The following SLC45A4 variants were observed in gnomAD, a reference collection of about 807,000 sequenced individuals.
SLC45A4 encodes the protein solute carrier family 45 member 4, also known as polyamine-transporter SLC45A4.
SLC45A4 carries 32 observed loss-of-function variants against 63.7 expected under a neutral mutation model. The ratio of observed to expected loss-of-function variants is 0.50; its 90% CI spans 0.38 to 0.67. The LOEUF (loss-of-function observed/expected upper bound fraction) is 0.67. Ranked by LOEUF, SLC45A4 falls within the 30% of genes least tolerant of loss-of-function variation. SLC45A4 has a pLI of 0.00. For missense variants in SLC45A4, 1,027 were observed against 1,157.7 expected (o/e 0.89, Z 1.64); for synonymous variants, 535 against 510.0 (o/e 1.05, Z -0.66).
Position 141,256,572 on chromosome 8 carries a change from A to T in SLC45A4, c.-400-1943T>A. ...CCGCTGTACAGGAGGTTCTGGAAGG[A>T]AGCCGTGCGCCTGGCTCTTACGTCC... On this transcript the variant is annotated intron_variant, in intron 1 of 8. Transcript: ENST00000517878. The surrounding 1 kb of genome is among the most constrained non-coding windows in gnomAD (Gnocchi z 4.3). 2.2e-6 allele frequency: 1 copy of T among 456,230 alleles called. No individual in the cohort carries two copies. Among genetic ancestry groups the T allele is most frequent in the South Asian group, 1.5e-5 (1 of 64,570 alleles). 28.3% of individuals were successfully genotyped at this position (456,230 alleles called of 1,614,324 possible). A position where few individuals can be genotyped will look rare whatever the true frequency, so the allele number is the denominator to read the frequency against.
At chr8:141,276,167 G>A (rs774407109) in intron 1 of SLC45A4, among the ~76,000 whole-genome samples, 20 of 152,124 alleles carry the variant, frequency 1.3e-4, no homozygotes, top group Non-Finnish European at 2.4e-4. Context: ...CTCCCAAATT[G>A]CTGGGATTAC....
At chr8:141,213,496 T>C (rs1825959322) in intron 7 of SLC45A4, among the ~76,000 whole-genome samples, 2 of 152,150 alleles carry the variant, frequency 1.3e-5, no homozygotes, top group African/African-American at 2.4e-5. Flanking sequence ...TGGTTCAAAA[T>C]AGAAATCGTA....
intron 1 of SLC45A4, among the ~76,000 whole-genome samples, chr8:141,280,692 C>T (rs1321541877): frequency 6.6e-6 from 1 of 152,212 alleles, no homozygotes; most frequent in Admixed American, 6.5e-5. Context: ...GTACCTCCAC[C>T]ATGGGGGTTT....
At chr8:141,228,485 G>A (rs2154614267) in intron 2 of SLC45A4, 1 of 1,336,328 alleles carries the variant, frequency 7.5e-7, no homozygotes, top group South Asian at 1.7e-5. Flanking sequence ...GTGGGCACCT[G>A]TCTTCACTGG....
At position 141,258,060 on chromosome 8, in the gene SLC45A4, CTTT is replaced by C. The variant is rs3072057; in HGVS notation, c.-400-3434_-400-3432del. On this transcript the variant is annotated intron_variant, in intron 1 of 8. Transcript: ENST00000517878. ...CATTCTCCTTTTTTGTTTCTTCTTC[CTTT>C]TTTTTTTTTTTTTTTTTTTAACAAT... is the stretch of plus-strand genomic sequence containing the variant. Among the ~76,000 whole-genome samples the C allele has an allele frequency of 1.8e-3, 228 of 123,264 alleles. 3 individuals are homozygous for C. In the South Asian group the frequency reaches 0.022, roughly 12 times the overall value. 80.9% of individuals were successfully genotyped at this position (123,264 alleles called of 152,430 possible).
rs1332514831 is a variant in SLC45A4 at position 141,211,012 on chromosome 8, C to T, written c.*560G>A. Reference sequence around the variant, plus strand: ...CCCAGACGTCTGCGTCCCTTTGCACCTGTCCCGATTCCAGCGTCGAGCAGG... The same window carrying T: ...CCCAGACGTCTGCGTCCCTTTGCACTTGTCCCGATTCCAGCGTCGAGCAGG... On this transcript the variant is annotated 3_prime_UTR_variant, in exon 9 of 9. Coordinates refer to ENST00000517878, the MANE Select transcript of SLC45A4 (RefSeq NM_001286646.2). 1 of 159,018 alleles carries T rather than the reference C, an allele frequency of 6.3e-6. No homozygotes were observed. The highest frequency in any genetic ancestry group is 6.5e-5 in the Admixed American group (1 of 15,456). 9.9% of individuals were successfully genotyped at this position (159,018 alleles called of 1,614,324 possible).
At chr8:141,277,375 T>G (rs1829768640) in intron 1 of SLC45A4, among the ~76,000 whole-genome samples, 1 of 152,194 alleles carries the variant, frequency 6.6e-6, no homozygotes, top group African/African-American at 2.4e-5. Context: ...TGGACAAAGG[T>G]TCATGAAGCT....
At chr8:141,222,615 C>T (rs1013698867) in intron 2 of SLC45A4, among the ~76,000 whole-genome samples, 1 of 152,244 alleles carries the variant, frequency 6.6e-6, no homozygotes, top group Admixed American at 6.5e-5. Flanking sequence ...GCGTGTCCAT[C>T]ACCAACCAGG....
At chr8:141,264,073 G>T (rs752285125) in intron 1 of SLC45A4, among the ~76,000 whole-genome samples, 3 of 152,170 alleles carry the variant, frequency 2.0e-5, no homozygotes, top group Admixed American at 6.6e-5. Context: ...CCATGGGAAA[G>T]GTACCAGCAA....
At chr8:141,282,425 G>A (rs750237436) in intron 1 of SLC45A4, among the ~76,000 whole-genome samples, 7 of 152,196 alleles carry the variant, frequency 4.6e-5, no homozygotes, top group South Asian at 2.1e-4. Flanking sequence ...CCCGCTGGGC[G>A]GCCCCGCCTC....
chr8:141,267,912 C>T (rs2154614876), intron 1 of SLC45A4, among the ~76,000 whole-genome samples: 1 of 152,336 alleles, frequency 6.6e-6, no homozygotes, highest in South Asian at 2.1e-4. Context: ...CCCATTTTCA[C>T]AAAACCAGAC....
At chr8:141,259,111 AC>A (rs1480221864) in intron 1 of SLC45A4, among the ~76,000 whole-genome samples, 2 of 152,130 alleles carry the variant, frequency 1.3e-5, no homozygotes, top group Non-Finnish European at 2.9e-5. Context: ...TTCCTAGCAA[AC>A]TTCTAACAAC....
At chr8:141,238,555 G>A (rs1827742894) in intron 2 of SLC45A4, among the ~76,000 whole-genome samples, 1 of 152,116 alleles carries the variant, frequency 6.6e-6, no homozygotes, top group Non-Finnish European at 1.5e-5. Context: ...CCTATGAGTG[G>A]AATCACACAG....
At chr8:141,228,068 G>A (rs1194552618) in intron 2 of SLC45A4, 27 of 1,327,586 alleles carry the variant, frequency 2.0e-5, no homozygotes, top group Non-Finnish European at 2.9e-5. Context: ...GCCCTGAGGG[G>A]AGAGCTGTGT....
intron 1 of SLC45A4, among the ~76,000 whole-genome samples, chr8:141,305,719 G>A (rs1830876165): frequency 1.3e-5 from 2 of 152,130 alleles, no homozygotes; most frequent in Admixed American, 1.3e-4. Context: ...GGGAAGAGCG[G>A]GAGAGGGCAC....
At chr8:141,242,547 A>G (rs1827964638) in intron 2 of SLC45A4, among the ~76,000 whole-genome samples, 1 of 152,196 alleles carries the variant, frequency 6.6e-6, no homozygotes, top group Admixed American at 6.5e-5. Context: ...AGTGCTGGGA[A>G]AAGAGCCTGA....
intron 1 of SLC45A4, among the ~76,000 whole-genome samples, chr8:141,298,914 G>A (rs1830651057): frequency 6.6e-6 from 1 of 152,140 alleles, no homozygotes; most frequent in African/African-American, 2.4e-5. Flanking sequence ...GGGGGGTGGG[G>A]GGAGCTGATG....
chr8:141,275,080 A>G (rs961266356), intron 1 of SLC45A4, among the ~76,000 whole-genome samples: 1 of 152,210 alleles, frequency 6.6e-6, no homozygotes, highest in Non-Finnish European at 1.5e-5. Context: ...TCCGCCAACC[A>G]CATCGGTTCG....
chr8:141,211,526 G>A lies in SLC45A4; in HGVS notation c.*46C>T. On this transcript the variant is annotated 3_prime_UTR_variant, in exon 9 of 9. Coordinates refer to ENST00000517878, the MANE Select transcript of SLC45A4 (RefSeq NM_001286646.2). ...CTGCCCAAGGACAGGGCTGCCCTGG[G>A]CACAATGTGTCCAACTCGCTGAGGA... 4 of 1,612,818 alleles carry A rather than the reference G, an allele frequency of 2.5e-6. No homozygotes were observed. In the South Asian group the frequency reaches 4.4e-5, roughly 18 times the overall value.
Sources: gnomAD v4.1 joint callset for allele counts (sites outside exome capture counted in the v4.1 genomes callset) on GRCh38, gnomAD v4.1.1 for gene constraint, Gnocchi (gnomAD v3.1) non-coding constraint, MANE v1.5 for transcripts, NCBI Gene and HGNC (gene_info 2026-07-23, HGNC 2026-07-21) for gene names.